The following TACC2 variants were observed in gnomAD, a reference collection of about 807,000 sequenced individuals.
The protein encoded by TACC2 is transforming acidic coiled-coil-containing protein 2.
A neutral mutation model predicts 227.3 loss-of-function variants in TACC2; 137 were observed. The observed-to-expected ratio is 0.60, with a 90% CI of 0.52 to 0.69. The LOEUF (loss-of-function observed/expected upper bound fraction) is 0.69. Ranked by LOEUF, TACC2 falls within the 30% of genes least tolerant of loss-of-function variation. The probability of loss-of-function intolerance (pLI) is 0.00; values close to 1 mark genes in which losing one functional copy is unlikely to be tolerated. For missense variants in TACC2, 3,470 were observed against 3,694.4 expected (o/e 0.94, Z 1.57); for synonymous variants, 1,523 against 1,487.5 (o/e 1.02, Z -0.55).
intron 5 of TACC2, chr10:122,127,268 T>C (rs10749447): frequency 0.62 from 94,303 of 152,596 alleles, 33,695 homozygotes; most frequent in Non-Finnish European, 0.78. Flanking sequence ...TCCTCGGGCT[T>C]GATGAGCCTG....
intron 19 of TACC2, among the ~76,000 whole-genome samples, chr10:122,245,228 G>A (rs1334317108): frequency 6.6e-6 from 1 of 152,210 alleles, no homozygotes; most frequent in African/African-American, 2.4e-5. Context: ...AAAGTCTTCA[G>A]GAGCATTGTT....
chr10:122,103,177 TG>T (rs35847197), intron 5 of TACC2, among the ~76,000 whole-genome samples: 36,313 of 151,948 alleles, frequency 0.24, 4,593 homozygotes, highest in East Asian at 0.48. Flanking sequence ...TCCTATGATA[TG>T]GCTGGGTTCC....
intron 9 of TACC2, among the ~76,000 whole-genome samples, chr10:122,215,133 C>T (rs2141105346): frequency 6.6e-6 from 1 of 152,292 alleles, no homozygotes; most frequent in Admixed American, 6.5e-5. Flanking sequence ...GCTTCATTTT[C>T]TGGGTCATTC....
At chr10:122,188,799 A>T (rs960090685) in intron 7 of TACC2, among the ~76,000 whole-genome samples, 2 of 152,186 alleles carry the variant, frequency 1.3e-5, no homozygotes, top group Non-Finnish European at 2.9e-5. Context: ...AGTGATAGCT[A>T]CTTGATTCTG....
chr10:122,079,758 C>T (rs779489664), intron 3 of TACC2, among the ~76,000 whole-genome samples: 5 of 152,194 alleles, frequency 3.3e-5, no homozygotes, highest in Non-Finnish European at 7.3e-5. Flanking sequence ...ATCAGATGTC[C>T]ATGTTGAGAT....
At chr10:122,089,724 C>T in intron 5 of TACC2, among the ~76,000 whole-genome samples, 1 of 151,758 alleles carries the variant, frequency 6.6e-6, no homozygotes, top group African/African-American at 2.4e-5. Flanking sequence ...CCCTACCAAA[C>T]AGCTGCAGGC....
chr10:122,018,141 G>A (rs1187555436), intron 1 of TACC2, among the ~76,000 whole-genome samples: 1 of 151,804 alleles, frequency 6.6e-6, no homozygotes, highest in Admixed American at 6.6e-5. Context: ...TCCCCCAACA[G>A]GCCCTGGTGT....
chr10:122,117,248 G>A (rs571996846), intron 5 of TACC2, among the ~76,000 whole-genome samples: 120 of 147,936 alleles, frequency 8.1e-4, no homozygotes, highest in Non-Finnish European at 1.3e-3. Context: ...AGGCTGGAGT[G>A]CAGTGGCGTG....
In TACC2 at chr10:122,163,587, C is replaced by G. The variant is rs2092956946; in HGVS notation, c.5834+19881C>G. ...TCATCGTGTCACACACAGGAGCCGGCTGCCGGGGGGTTTAAGAGAAGAGCC... is the reference window on the plus strand; with the variant it reads ...TCATCGTGTCACACACAGGAGCCGGGTGCCGGGGGGTTTAAGAGAAGAGCC... On this transcript the variant is annotated intron_variant, in intron 7 of 22. Coordinates refer to ENST00000369005, the MANE Select transcript of TACC2 (RefSeq NM_206862.4). 6.0e-5 allele frequency: 60 copies of G among 1,002,904 alleles called. 1 individual carries two copies. The South Asian group carries it at 2.4e-3, about 41-fold the overall frequency. The allele number at this position is 1,002,904 out of a possible 1,614,324, so 62.1% of individuals were successfully genotyped here.
Position 122,234,403 on chromosome 10 carries a change from A to G in TACC2, c.8128-2992A>G, listed in dbSNP as rs187599269. On this transcript the variant is annotated intron_variant, in intron 16 of 22. Transcript: ENST00000369005. Reference sequence around the variant, plus strand: ...ATTTCACATTTCAATTTGTGATTCTAGTGGCTTTTTTTGGCCCCTCTAAAG... The same window carrying G: ...ATTTCACATTTCAATTTGTGATTCTGGTGGCTTTTTTTGGCCCCTCTAAAG... Among the ~76,000 whole-genome samples, 77 of 152,318 alleles carry G rather than the reference A, an allele frequency of 5.1e-4. No individual in the cohort carries two copies. The Middle Eastern group carries it at 0.017, about 34-fold the overall frequency.
chr10:122,251,592 C>G (rs189005813), intron 22 of TACC2, among the ~76,000 whole-genome samples: 1 of 152,126 alleles, frequency 6.6e-6, no homozygotes, highest in Admixed American at 6.5e-5. Context: ...CCCAGCTATT[C>G]GGGAGGCTAA....
At chr10:122,253,933 G>A in intron 22 of TACC2, 58 bp from the exon 23 acceptor site, 2 of 1,473,374 alleles carry the variant, frequency 1.4e-6, no homozygotes, top group South Asian at 2.3e-5. Flanking sequence ...AGCCCCATGA[G>A]CATTCTGACT....
intron 5 of TACC2, among the ~76,000 whole-genome samples, chr10:122,101,763 G>A (rs2082190488): frequency 8.0e-6 from 1 of 125,454 alleles, no homozygotes; most frequent in Admixed American, 9.8e-5. Context: ...TAGTAGAGAT[G>A]GAGTTTCACC....
Position 122,249,046 on chromosome 10 carries a change from T to C in TACC2, c.8554-4T>C, listed in dbSNP as rs1204284798. 4 of 1,611,420 alleles carry C rather than the reference T, an allele frequency of 2.5e-6. No individual in the cohort carries two copies. The highest frequency in any genetic ancestry group is 2.5e-6 in the Non-Finnish European group (3 of 1,178,820). ...GACGCCTGTCCTCTGCCCTGCTGTG[T>C]CAGAATGAAGAGGTGTTGAAGAGAT... On this transcript the variant is annotated splice_polypyrimidine_tract_variant and splice_region_variant and intron_variant, in intron 20 of 22. Transcript: ENST00000369005.
chr10:122,222,287 A>C (rs140230252), intron 11 of TACC2, among the ~76,000 whole-genome samples: 1 of 152,340 alleles, frequency 6.6e-6, no homozygotes, highest in South Asian at 2.1e-4. Context: ...TTTTCTCAAA[A>C]TAGCAGAGAT....
At chr10:122,104,121 C>T (rs1180822582) in intron 5 of TACC2, among the ~76,000 whole-genome samples, 1 of 152,160 alleles carries the variant, frequency 6.6e-6, no homozygotes, top group Non-Finnish European at 1.5e-5. Context: ...TTAATAAATA[C>T]TTGATGAATG....
At chr10:122,080,379 T>G (rs1053982413) in intron 3 of TACC2, among the ~76,000 whole-genome samples, 1 of 152,028 alleles carries the variant, frequency 6.6e-6, no homozygotes, top group African/African-American at 2.4e-5. Flanking sequence ...ACTACAGGTG[T>G]GCACCACCAT....
In TACC2 at chr10:122,207,521, G is replaced by A. The variant is rs769017547; in HGVS notation, c.5972-2876G>A. Among the ~76,000 whole-genome samples, 20 of 152,174 alleles carry A rather than the reference G, an allele frequency of 1.3e-4. 1 individual carries two copies. Among genetic ancestry groups the A allele is most frequent in the Non-Finnish European group, 2.2e-4 (15 of 68,022 alleles). The stretch of plus-strand genomic sequence containing the variant: ...GCTGGGGTAAGGGTGGGGCCTACTG[G>A]CATCCATTGTGTGGAGGCCAGGGAT... On this transcript the variant is annotated intron_variant, in intron 8 of 22. Coordinates refer to ENST00000369005, the MANE Select transcript of TACC2 (RefSeq NM_206862.4).
chr10:122,035,724 T>A (rs561874632), intron 2 of TACC2, among the ~76,000 whole-genome samples: 3 of 152,200 alleles, frequency 2.0e-5, no homozygotes, highest in Non-Finnish European at 4.4e-5. Context: ...TTTCATCTTC[T>A]CAAACTGAAA....
Sources: gnomAD v4.1 joint callset for allele counts (sites outside exome capture counted in the v4.1 genomes callset) on GRCh38, gnomAD v4.1.1 for gene constraint, MANE v1.5 for transcripts, NCBI Gene and HGNC (gene_info 2026-07-23, HGNC 2026-07-21) for gene names.